Variants in NEBL observed in about 807,000 individuals in gnomAD.
NEBL encodes nebulette.
Under a neutral mutation model 140.2 loss-of-function variants are expected in NEBL, and 122 were observed. The ratio of observed to expected loss-of-function variants is 0.87; its 90% CI spans 0.75 to 1.01. The LOEUF (loss-of-function observed/expected upper bound fraction) is 1.01, where lower values mean the gene tolerates loss of function less well. NEBL is among the 50% of genes least tolerant of loss of function. The pLI, the probability that NEBL is intolerant of heterozygous loss-of-function variation, is 0.00. For missense variants in NEBL, 1,365 were observed against 1,231.3 expected (o/e 1.11, Z -1.62); for synonymous variants, 436 against 398.9 (o/e 1.09, Z -1.11).
chr10:21,231,193 A>G (rs752088935), intron 3 of NEBL, among the ~76,000 whole-genome samples: 2 of 152,236 alleles, frequency 1.3e-5, no homozygotes, highest in Admixed American at 6.5e-5. Context: ...CAAAAGAGCC[A>G]CCTTTATGGA....
chr10:21,057,000 A>T (rs1364111940), intron 2 of NEBL, among the ~76,000 whole-genome samples: 1 of 152,272 alleles, frequency 6.6e-6, no homozygotes, highest in Admixed American at 6.5e-5. Context: ...TGATATATTT[A>T]TCAAATAAAG....
intron 3 of NEBL, among the ~76,000 whole-genome samples, chr10:20,993,686 T>C (rs1318556471): frequency 6.6e-6 from 1 of 151,968 alleles, no homozygotes; most frequent in East Asian, 1.9e-4. Context: ...CTGGCAAGAG[T>C]CACATGACCA....
chr10:21,144,632 A>G (rs1447500316), intron 2 of NEBL, among the ~76,000 whole-genome samples: 3 of 152,132 alleles, frequency 2.0e-5, no homozygotes, highest in African/African-American at 7.2e-5. Context: ...AGGCTGAGAC[A>G]CGAGAATCAC....
intron 3 of NEBL, among the ~76,000 whole-genome samples, chr10:21,215,558 C>A (rs1412658786): frequency 1.3e-5 from 2 of 152,204 alleles, no homozygotes; most frequent in African/African-American, 2.4e-5. Context: ...CTAACAAATA[C>A]TGCAAGTGCC....
intron 2 of NEBL, among the ~76,000 whole-genome samples, chr10:21,123,654 T>A (rs1838681396): frequency 1.3e-5 from 2 of 151,956 alleles, no homozygotes; most frequent in South Asian, 4.1e-4. Context: ...TTCCCCTTCA[T>A]ATTGGCATCT....
At chr10:20,819,745 G>C (rs1173098264) in intron 19 of NEBL, among the ~76,000 whole-genome samples, 1 of 151,964 alleles carries the variant, frequency 6.6e-6, no homozygotes, top group African/African-American at 2.4e-5. Flanking sequence ...TTATTTTTGA[G>C]ACAAGGTCTT....
intron 2 of NEBL, among the ~76,000 whole-genome samples, chr10:21,153,990 T>A (rs554775716): frequency 6.6e-6 from 1 of 152,220 alleles, no homozygotes; most frequent in African/African-American, 2.4e-5. Flanking sequence ...AGACATGATA[T>A]ACATATTTTT....
chr10:20,896,846 A>C, intron 2 of NEBL, 112 bp downstream of exon 2: 1 of 929,358 alleles, frequency 1.1e-6, no homozygotes, highest in Non-Finnish European at 1.8e-6. Context: ...CTGGAAAGTG[A>C]CTGTGTTTTA....
intron 19 of NEBL, among the ~76,000 whole-genome samples, 190 bp downstream of exon 19, chr10:20,823,018 T>C (rs1329821777): frequency 6.6e-6 from 1 of 152,180 alleles, no homozygotes; most frequent in Non-Finnish European, 1.5e-5. Context: ...AAATAAATGC[T>C]GACACAAGGC....
At chr10:21,030,074 C>G in intron 2 of NEBL, 4 of 468,458 alleles carry the variant, frequency 8.5e-6, no homozygotes, top group Non-Finnish European at 1.2e-5. Context: ...CCAGTCCGGT[C>G]GAGCTTATTT....
intron 2 of NEBL, among the ~76,000 whole-genome samples, chr10:21,143,448 CAAAAAA>C (rs72021692): frequency 0.019 from 1,246 of 66,466 alleles, 21 homozygotes; most frequent in African/African-American, 0.059. Flanking sequence ...AACTTCATCT[CAAAAAA>C]AAAAAAAAAA....
At chr10:20,890,904 A>G (rs1846975489) in intron 2 of NEBL, among the ~76,000 whole-genome samples, 1 of 152,246 alleles carries the variant, frequency 6.6e-6, no homozygotes, top group African/African-American at 2.4e-5. Flanking sequence ...TAAAAGTTGT[A>G]TCACTCTGTA....
chr10:21,095,470 G>A (rs1380398843), intron 2 of NEBL, among the ~76,000 whole-genome samples: 1 of 152,220 alleles, frequency 6.6e-6, no homozygotes, highest in Non-Finnish European at 1.5e-5. Flanking sequence ...AGTTAAGGGT[G>A]TTAAACGGTG....
chr10:21,003,258 G>A lies in NEBL; in HGVS notation c.249+16859C>T, dbSNP rs572397741. On this transcript the variant is annotated intron_variant, in intron 3 of 6. Coordinates refer to the NEBL transcript ENST00000417816. ...TGCTTCTCCCACCCTGGGGAACACA[G>A]ACCCACTTGCCTGACCTCCCACGCC... Among the ~76,000 whole-genome samples, 28 of 152,202 alleles carry A rather than the reference G, an allele frequency of 1.8e-4. 1 individual carries two copies. Among genetic ancestry groups the A allele is most frequent in the African/African-American group, 6.0e-4 (25 of 41,538 alleles).
At chr10:21,046,127 C>T (rs1834503668) in intron 2 of NEBL, among the ~76,000 whole-genome samples, 5 of 152,070 alleles carry the variant, frequency 3.3e-5, no homozygotes, top group Admixed American at 3.3e-4. Flanking sequence ...ATAAGCCAGG[C>T]ACAGAAAGAT....
chr10:20,908,951 A>G (rs761478546), intron 4 of NEBL, among the ~76,000 whole-genome samples: 2 of 152,196 alleles, frequency 1.3e-5, no homozygotes, highest in Non-Finnish European at 2.9e-5. Context: ...CACTTTTTGT[A>G]CTGATCACCA....
At chr10:20,820,232 A>T (rs1839165263) in intron 19 of NEBL, among the ~76,000 whole-genome samples, 1 of 152,146 alleles carries the variant, frequency 6.6e-6, no homozygotes, top group Admixed American at 6.5e-5. Flanking sequence ...CTGACCTAGC[A>T]TTATAGAAAT....
intron 3 of NEBL, among the ~76,000 whole-genome samples, chr10:21,223,572 C>T (rs537265273): frequency 9.9e-5 from 15 of 152,134 alleles, no homozygotes; most frequent in African/African-American, 3.4e-4. Context: ...CCTAGCAGTG[C>T]GATTGCTGGA....
intron 2 of NEBL, among the ~76,000 whole-genome samples, chr10:21,114,196 A>G (rs1487798735): frequency 1.3e-5 from 2 of 152,014 alleles, no homozygotes; most frequent in African/African-American, 4.8e-5. Flanking sequence ...AAGTTATTCA[A>G]GTGTGTTGTG....
Sources: gnomAD v4.1 joint callset for allele counts (sites outside exome capture counted in the v4.1 genomes callset) on GRCh38, gnomAD v4.1.1 for gene constraint, MANE v1.5 for transcripts, NCBI Gene and HGNC (gene_info 2026-07-23, HGNC 2026-07-21) for gene names.